The following RALYL variants were observed in gnomAD, a reference collection of about 807,000 sequenced individuals.
RALYL encodes RNA-binding Raly-like protein.
RALYL carries 29 observed loss-of-function variants against 35.1 expected under a neutral mutation model. The observed-to-expected ratio is 0.83, with a 90% CI of 0.61 to 1.13. The LOEUF (loss-of-function observed/expected upper bound fraction) is 1.13, where lower values mean the gene tolerates loss of function less well. RALYL is among the 50% of genes most tolerant of loss of function. RALYL has a pLI of 0.00. For missense variants in RALYL, 359 were observed against 360.4 expected, an observed-to-expected ratio of 1.00 and a Z score of 0.03; for synonymous variants, 120 against 127.6, an observed-to-expected ratio of 0.94 and a Z score of 0.40.
At chr8:84,467,760 A>G (rs553293188) in intron 1 of RALYL, among the ~76,000 whole-genome samples, 1 of 148,750 alleles carries the variant, frequency 6.7e-6, no homozygotes, top group South Asian at 2.2e-4. Flanking sequence ...GTCTCCCATT[A>G]TTAATGTGTG....
Position 84,862,344 on chromosome 8 carries a change from T to G in RALYL, c.462T>G (p.Ile154Met), listed in dbSNP as rs760073170. 3.7e-6 allele frequency: 6 copies of G among 1,603,010 alleles called. No individual in the cohort carries two copies. The African/African-American group carries it at 8.1e-5, about 22-fold the overall frequency. The change falls in exon 6 of 9, where the codon ATT (isoleucine) becomes ATG (methionine). Residue 154 changes from isoleucine (I) to methionine (M), a missense_variant. By Grantham distance (10) the Ile-to-Met change is conservative (BLOSUM62 1). Transcript: ENST00000521268. ...GRVPPPPRAV[I>M]PLKRPRVAVT... ...TGCCTCCACCTCCCCGTGCAGTAATTCCGCTGAAGCGTCCCAGAGTGGCAG... is the reference window on the plus strand; with the variant it reads ...TGCCTCCACCTCCCCGTGCAGTAATGCCGCTGAAGCGTCCCAGAGTGGCAG...
chr8:84,638,871 AATATATATATAT>A lies in RALYL; in HGVS notation c.256+109333_256+109344del, dbSNP rs71273908. On this transcript the variant is annotated intron_variant, in intron 2 of 8. Coordinates refer to ENST00000521268, the MANE Select transcript of RALYL (RefSeq NM_173848.7). ...AATACGAGTATCTAATGCACGCATA[AATATATATATAT>A]ATATATATATATATATATATATATA... is the stretch of plus-strand genomic sequence containing the variant. 6.1e-3 allele frequency among the ~76,000 whole-genome samples: 530 copies of A among 86,190 alleles called. 15 individuals carry two copies. Among genetic ancestry groups the A allele is most frequent in the African/African-American group, 0.036 (478 of 13,150 alleles). 56.5% of individuals were successfully genotyped at this position (86,190 alleles called of 152,430 possible). A position where few individuals can be genotyped will look rare whatever the true frequency, so the allele number is the denominator to read the frequency against.
At chr8:84,398,961 G>T (rs958050073) in intron 1 of RALYL, among the ~76,000 whole-genome samples, 8 of 122,202 alleles carry the variant, frequency 6.5e-5, no homozygotes, top group African/African-American at 1.9e-4. Context: ...GCAATAGAGT[G>T]AGACTCTGTC....
chr8:84,384,183 A>G (rs1022777265), intron 1 of RALYL, among the ~76,000 whole-genome samples: 1 of 151,794 alleles, frequency 6.6e-6, no homozygotes, highest in Non-Finnish European at 1.5e-5. Flanking sequence ...TGAAAAAGAT[A>G]TAAAGTTTCC....
intron 2 of RALYL, among the ~76,000 whole-genome samples, chr8:84,760,628 T>A (rs1484000790): frequency 1.3e-5 from 2 of 152,070 alleles, no homozygotes; most frequent in Non-Finnish European, 2.9e-5. Flanking sequence ...TTATTAGAAA[T>A]TAGTTGGAAA....
At chr8:84,274,965 A>T (rs933864967) in intron 1 of RALYL, among the ~76,000 whole-genome samples, 6 of 152,130 alleles carry the variant, frequency 3.9e-5, no homozygotes, top group Non-Finnish European at 7.4e-5. Flanking sequence ...CTCTGGAAAC[A>T]ATCAGCTGAG....
chr8:84,833,063 T>C (rs1324569046), intron 4 of RALYL, among the ~76,000 whole-genome samples: 1 of 152,172 alleles, frequency 6.6e-6, no homozygotes, highest in Non-Finnish European at 1.5e-5. Flanking sequence ...GGCACCCTTC[T>C]TCTCTAGCTG....
intron 2 of RALYL, among the ~76,000 whole-genome samples, chr8:84,681,210 A>T (rs1261846083): frequency 6.6e-6 from 1 of 152,014 alleles, no homozygotes; most frequent in Non-Finnish European, 1.5e-5. Context: ...ATTGGTCTAT[A>T]TCTCTGTTTT....
chr8:84,435,397 A>G (rs2047603873), intron 1 of RALYL, among the ~76,000 whole-genome samples: 2 of 152,168 alleles, frequency 1.3e-5, no homozygotes, highest in African/African-American at 2.4e-5. Context: ...TCAAAGCACA[A>G]ATTTATGCTG....
chr8:84,702,337 T>C (rs1450423126), intron 2 of RALYL, among the ~76,000 whole-genome samples: 2 of 152,156 alleles, frequency 1.3e-5, no homozygotes, highest in Admixed American at 6.5e-5. Flanking sequence ...CTAAATCATA[T>C]TGGCCTAGTT....
chr8:84,424,208 T>C (rs769859717), intron 1 of RALYL, among the ~76,000 whole-genome samples: 2,099 of 149,934 alleles, frequency 0.014, 48 homozygotes, highest in African/African-American at 0.048. Flanking sequence ...AGATTTGGTC[T>C]TTTCACATAG....
At chr8:84,203,485 A>C (rs1325785831) in intron 1 of RALYL, among the ~76,000 whole-genome samples, 1 of 152,182 alleles carries the variant, frequency 6.6e-6, no homozygotes, top group Non-Finnish European at 1.5e-5. Flanking sequence ...TGCTGCTTAA[A>C]ATATATTCTG....
chr8:84,256,604 T>C (rs970202620), intron 1 of RALYL, among the ~76,000 whole-genome samples: 2 of 152,136 alleles, frequency 1.3e-5, no homozygotes, highest in African/African-American at 4.8e-5. Flanking sequence ...GAACTGGACT[T>C]AGGTAACAGA....
intron 1 of RALYL, among the ~76,000 whole-genome samples, chr8:84,500,341 C>G (rs1202595324): frequency 6.6e-6 from 1 of 152,032 alleles, no homozygotes; most frequent in Non-Finnish European, 1.5e-5. Context: ...GTAATCAAAT[C>G]TGATGAAAAA....
intron 2 of RALYL, among the ~76,000 whole-genome samples, chr8:84,689,723 A>T (rs1263456324): frequency 1.3e-5 from 2 of 152,058 alleles, no homozygotes; most frequent in Non-Finnish European, 2.9e-5. Context: ...ATTTCTCCAC[A>T]TCCTCTCCAG....
At chr8:84,524,271 C>T (rs1309669896) in intron 1 of RALYL, among the ~76,000 whole-genome samples, 1 of 152,032 alleles carries the variant, frequency 6.6e-6, no homozygotes, top group African/African-American at 2.4e-5. Flanking sequence ...ACAAACAACC[C>T]CATCAAAAAG....
intron 3 of RALYL, among the ~76,000 whole-genome samples, chr8:84,800,644 T>TA (rs895783568): frequency 7.4e-5 from 5 of 67,142 alleles, no homozygotes; most frequent in African/African-American, 1.9e-4. Flanking sequence ...TTAGGAAAGA[T>TA]AAAAAAAATT....
At chr8:84,472,133 C>G (rs141964057) in intron 1 of RALYL, among the ~76,000 whole-genome samples, 234 of 152,250 alleles carry the variant, frequency 1.5e-3, no homozygotes, top group African/African-American at 5.5e-3. Flanking sequence ...TGCTGCTTAT[C>G]TACTGACCAT....
chr8:84,419,479 T>G (rs1225063688), intron 1 of RALYL, among the ~76,000 whole-genome samples: 2 of 152,174 alleles, frequency 1.3e-5, no homozygotes, highest in Non-Finnish European at 2.9e-5. Flanking sequence ...CATCTAATAA[T>G]TTACTTGGCT....
Sources: allele counts gnomAD v4.1 joint callset (sites outside exome capture counted in the v4.1 genomes callset), GRCh38; gene constraint gnomAD v4.1.1; transcripts MANE v1.5; gene names NCBI Gene and HGNC (gene_info 2026-07-23, HGNC 2026-07-21).